Variants in TMEFF2 observed in about 807,000 individuals in gnomAD.
The protein encoded by TMEFF2 is tomoregulin-2.
A neutral mutation model predicts 53.8 loss-of-function variants in TMEFF2; 28 were observed. The ratio of observed to expected loss-of-function variants is 0.52; its 90% CI spans 0.39 to 0.71. The LOEUF is 0.71. Among genes scored for constraint, TMEFF2 ranks in the 30% least tolerant of loss-of-function variants. TMEFF2 has a pLI of 0.00. For missense variants in TMEFF2, 353 were observed against 455.2 expected, an observed-to-expected ratio of 0.78 and a Z score of 2.04; for synonymous variants, 162 against 166.3, an observed-to-expected ratio of 0.97 and a Z score of 0.20.
intron 5 of TMEFF2, among the ~76,000 whole-genome samples, chr2:192,001,726 C>A (rs1270752254): frequency 6.7e-6 from 1 of 149,912 alleles, no homozygotes; most frequent in African/African-American, 2.4e-5. Flanking sequence ...TTTCCCTGCA[C>A]AAGCTCTCTT....
chr2:192,010,452 C>T (rs1686600499), intron 5 of TMEFF2, among the ~76,000 whole-genome samples: 2 of 152,142 alleles, frequency 1.3e-5, no homozygotes, highest in African/African-American at 4.8e-5. Context: ...CTGTGAGTAC[C>T]CTCCTAGAGT....
intron 6 of TMEFF2, 40 bp from the exon 7 acceptor site, chr2:191,998,361 T>A (rs763851048): frequency 7.3e-7 from 1 of 1,367,386 alleles, no homozygotes; most frequent in South Asian, 1.2e-5. Flanking sequence ...ATTAACTGCT[T>A]CCTAAATATC....
intron 4 of TMEFF2, among the ~76,000 whole-genome samples, chr2:192,097,156 T>G (rs1225042095): frequency 6.6e-6 from 1 of 152,246 alleles, no homozygotes; most frequent in Non-Finnish European, 1.5e-5. Flanking sequence ...TTGAGATGAT[T>G]TAACAAAAAT....
rs368276023 is a variant in TMEFF2, at chr2:192,081,854, T to C, written c.440-24079A>G. Among the ~76,000 whole-genome samples, 9 of 146,772 alleles carry C rather than the reference T, an allele frequency of 6.1e-5. No homozygotes were observed. In the East Asian group the frequency reaches 1.6e-3, roughly 26 times the overall value. On this transcript the variant is annotated intron_variant, in intron 4 of 9. Transcript: ENST00000272771. ...TCTCGCTCTGTCACCTAGGCTGGAGTGCAGTGGCGCGATCTCGGCTCCTGC... is the reference window on the plus strand; with the variant it reads ...TCTCGCTCTGTCACCTAGGCTGGAGCGCAGTGGCGCGATCTCGGCTCCTGC...
At position 192,096,640 on chromosome 2, in the gene TMEFF2, T is replaced by TCTTC. The variant is rs1553520120; in HGVS notation, c.440-38869_440-38866dup. Among the ~76,000 whole-genome samples the TCTTC allele has an allele frequency of 4.6e-3, 493 of 107,920 alleles. 180 individuals are homozygous for TCTTC. Among genetic ancestry groups the TCTTC allele is most frequent in the Middle Eastern group, 0.019 (3 of 160 alleles). 70.8% of individuals were successfully genotyped at this position (107,920 alleles called of 152,430 possible). ...AGTGCTATTTCTTTTTTTCTTTTCT[T>TCTTC]CTTCCTTCCTTCTCTCTCTCTCTCT... On this transcript the variant is annotated intron_variant, in intron 4 of 9. Coordinates refer to ENST00000272771, the MANE Select transcript of TMEFF2 (RefSeq NM_016192.4).
chr2:191,982,300 TAAGAA>T (rs1040220438), intron 7 of TMEFF2, among the ~76,000 whole-genome samples: 28 of 152,206 alleles, frequency 1.8e-4, no homozygotes, highest in African/African-American at 6.7e-4. Flanking sequence ...AATTTACAGA[TAAGAA>T]AACAAAGACT....
At chr2:192,128,907 G>C (rs1689743188) in intron 4 of TMEFF2, among the ~76,000 whole-genome samples, 1 of 152,116 alleles carries the variant, frequency 6.6e-6, no homozygotes, top group Non-Finnish European at 1.5e-5. Flanking sequence ...CCCCCGGGGA[G>C]GTAGCAAAAC....
At chr2:192,014,828 G>A (rs1359968382) in intron 5 of TMEFF2, among the ~76,000 whole-genome samples, 2 of 152,150 alleles carry the variant, frequency 1.3e-5, no homozygotes, top group Non-Finnish European at 2.9e-5. Context: ...GGAAAAATGA[G>A]TATCAATGTA....
At chr2:192,178,812 T>A (rs1169350353) in intron 4 of TMEFF2, 2 of 151,452 alleles carry the variant, frequency 1.3e-5, no homozygotes, top group East Asian at 3.9e-4. Flanking sequence ...TTAATTATTT[T>A]ACACAACTGA....
chr2:192,143,159 C>T (rs1472400239), intron 4 of TMEFF2, among the ~76,000 whole-genome samples: 1 of 152,166 alleles, frequency 6.6e-6, no homozygotes, highest in Non-Finnish European at 1.5e-5. Flanking sequence ...GTAAAACTCA[C>T]CAGCCCCTAC....
intron 5 of TMEFF2, among the ~76,000 whole-genome samples, chr2:191,999,464 G>T (rs192996728): frequency 8.9e-4 from 136 of 152,036 alleles, no homozygotes; most frequent in Non-Finnish European, 1.2e-3. Context: ...GTTAATTTCT[G>T]CCCTGGAACT....
intron 4 of TMEFF2, among the ~76,000 whole-genome samples, chr2:192,075,924 TAAAG>T (rs1276752336): frequency 6.7e-6 from 1 of 149,078 alleles, no homozygotes; most frequent in Admixed American, 6.7e-5. Context: ...GAGGAACAAA[TAAAG>T]GAAGAAAAGA....
intron 4 of TMEFF2, among the ~76,000 whole-genome samples, chr2:192,172,509 C>A (rs1362083472): frequency 6.6e-6 from 1 of 151,886 alleles, no homozygotes; most frequent in East Asian, 1.9e-4. Context: ...TGTACCACTA[C>A]CTTCTACTGC....
rs866210403 is a variant in TMEFF2, at chr2:192,182,820, T to C, written c.412+1534A>G. On this transcript the variant is annotated intron_variant, in intron 3 of 9. Coordinates refer to ENST00000272771, the MANE Select transcript of TMEFF2 (RefSeq NM_016192.4). ...GGTTCCTGGGATTTTACTTTTTTTCTATTCAATTTGTCCTAAAGTACTATT... is the reference window on the plus strand; with the variant it reads ...GGTTCCTGGGATTTTACTTTTTTTCCATTCAATTTGTCCTAAAGTACTATT... Among the ~76,000 whole-genome samples, 31 of 152,098 alleles carry C rather than the reference T, an allele frequency of 2.0e-4. No individual in the cohort carries two copies. In the Middle Eastern group the frequency reaches 0.014, roughly 67 times the overall value.
At chr2:192,193,973 C>T (rs1691538081) in intron 1 of TMEFF2, among the ~76,000 whole-genome samples, 1 of 152,170 alleles carries the variant, frequency 6.6e-6, no homozygotes, top group African/African-American at 2.4e-5. Flanking sequence ...ATTTCTTCCT[C>T]ATCCTAGTAA....
rs539722338 is a variant in TMEFF2 at position 192,074,095 on chromosome 2, A to G, written c.440-16320T>C. On this transcript the variant is annotated intron_variant, in intron 4 of 9. Coordinates refer to ENST00000272771, the MANE Select transcript of TMEFF2 (RefSeq NM_016192.4). ...AATCAAATAGTCAGATGACTAAAAG[A>G]GTGGGTACCTATAGTTCCTTTATTT... 5.0e-3 allele frequency among the ~76,000 whole-genome samples: 763 copies of G among 152,094 alleles called. 2 individuals are homozygous for G. The highest frequency in any genetic ancestry group is 7.2e-3 in the Non-Finnish European group (488 of 67,912).
At position 191,967,693 on chromosome 2, in the gene TMEFF2, C is replaced by G. The variant is rs531589773; in HGVS notation, c.746-11315G>C. ...ATCTGATGCTAGGCTTTCCTGCACC[C>G]TGGATCCCCCTTCCTTCCCCTGATA... is the stretch of plus-strand genomic sequence containing the variant. On this transcript the variant is annotated intron_variant, in intron 7 of 9. Coordinates refer to ENST00000272771, the MANE Select transcript of TMEFF2 (RefSeq NM_016192.4). Among the ~76,000 whole-genome samples, 30 of 152,290 alleles carry G rather than the reference C, an allele frequency of 2.0e-4. No homozygotes were observed. The Middle Eastern group carries it at 0.017, about 86-fold the overall frequency.
intron 4 of TMEFF2, among the ~76,000 whole-genome samples, chr2:192,116,231 A>G (rs1689401217): frequency 6.6e-6 from 1 of 152,058 alleles, no homozygotes; most frequent in Non-Finnish European, 1.5e-5. Flanking sequence ...GAAATAAGCT[A>G]TACACAGACA....
intron 5 of TMEFF2, among the ~76,000 whole-genome samples, chr2:192,047,604 A>T (rs748563323): frequency 6.6e-6 from 1 of 152,200 alleles, no homozygotes; most frequent in Non-Finnish European, 1.5e-5. Context: ...TGATAAAAGG[A>T]TGAATGGACC....
Sources: gnomAD v4.1 joint callset for allele counts (sites outside exome capture counted in the v4.1 genomes callset) on GRCh38, gnomAD v4.1.1 for gene constraint, MANE v1.5 for transcripts, NCBI Gene and HGNC (gene_info 2026-07-23, HGNC 2026-07-21) for gene names.